The following CDH12 variants were observed in gnomAD, a reference collection of about 807,000 sequenced individuals.
CDH12 encodes the protein cadherin 12, also known as cadherin-12.
CDH12 carries 41 observed loss-of-function variants against 74.1 expected under a neutral mutation model. That is an observed-to-expected ratio of 0.55 (90% CI 0.43 to 0.72). The LOEUF (loss-of-function observed/expected upper bound fraction) is 0.72. Ranked by LOEUF, CDH12 falls within the 30% of genes least tolerant of loss-of-function variation. The pLI is 0.00. For synonymous variants in CDH12, 399 were observed against 355.0 expected, an observed-to-expected ratio of 1.12 and a Z score of -1.39; for missense variants, 945 against 977.2, an observed-to-expected ratio of 0.97 and a Z score of 0.44.
intron 5 of CDH12, among the ~76,000 whole-genome samples, chr5:22,023,223 A>G (rs908469081): frequency 1.3e-5 from 2 of 152,052 alleles, no homozygotes; most frequent in African/African-American, 4.8e-5. Context: ...GGCCCTTTAT[A>G]TACACTTTTC....
chr5:22,095,658 G>C (rs1010486316), intron 4 of CDH12, among the ~76,000 whole-genome samples: 3 of 150,918 alleles, frequency 2.0e-5, no homozygotes, highest in Non-Finnish European at 4.4e-5. Context: ...TAGGGGGCAA[G>C]AACCCCCCAA....
intron 6 of CDH12, among the ~76,000 whole-genome samples, chr5:21,886,677 A>G (rs1752651240): frequency 6.6e-6 from 1 of 150,882 alleles, no homozygotes; most frequent in Non-Finnish European, 1.5e-5. Flanking sequence ...CAAATATTAC[A>G]CATAAGCACT....
chr5:22,428,942 T>C (rs1333444750), intron 2 of CDH12, among the ~76,000 whole-genome samples: 1 of 152,228 alleles, frequency 6.6e-6, no homozygotes, highest in Non-Finnish European at 1.5e-5. Flanking sequence ...GCCAACCTTA[T>C]ACCATTGTTT....
At chr5:22,305,146 A>G (rs1738050395) in intron 3 of CDH12, among the ~76,000 whole-genome samples, 1 of 152,200 alleles carries the variant, frequency 6.6e-6, no homozygotes, top group African/African-American at 2.4e-5. Flanking sequence ...GTTGTTTTTA[A>G]AAGTCCCCAA....
At chr5:22,825,855 C>A (rs1229221840) in intron 1 of CDH12, among the ~76,000 whole-genome samples, 1 of 152,084 alleles carries the variant, frequency 6.6e-6, no homozygotes, top group Non-Finnish European at 1.5e-5. Context: ...GAGAAATTTG[C>A]AAATACCTAG....
At chr5:22,138,856 A>C (rs1210048466) in intron 4 of CDH12, among the ~76,000 whole-genome samples, 1 of 128,948 alleles carries the variant, frequency 7.8e-6, no homozygotes, top group Non-Finnish European at 1.7e-5. Context: ...ATATATATAT[A>C]TATATATATA....
At chr5:21,988,582 G>T (rs1462188302) in intron 5 of CDH12, among the ~76,000 whole-genome samples, 1 of 137,930 alleles carries the variant, frequency 7.3e-6, no homozygotes, top group Non-Finnish European at 1.6e-5. Context: ...CAGGGTATAA[G>T]AAGAAATCTA....
intron 3 of CDH12, among the ~76,000 whole-genome samples, chr5:22,274,999 T>A (rs1346797647): frequency 6.6e-6 from 1 of 152,112 alleles, no homozygotes; most frequent in Non-Finnish European, 1.5e-5. Context: ...ATCTTTTAAC[T>A]TAGTAAATGA....
In CDH12 at chr5:22,744,543, A is replaced by G. The variant is rs185336294; in HGVS notation, c.-523+108515T>C. Among the ~76,000 whole-genome samples, 381 of 152,334 alleles carry G rather than the reference A, an allele frequency of 2.5e-3. 3 individuals carry two copies. Among genetic ancestry groups the G allele is most frequent in the African/African-American group, 8.8e-3 (365 of 41,584 alleles). On this transcript the variant is annotated intron_variant, in intron 1 of 14. Transcript: ENST00000382254. ...ATATTTTACATTATTTATTTTACAA[A>G]TAAGTCATTTTTCCTTATTTACATT... is the stretch of plus-strand genomic sequence containing the variant.
chr5:22,270,902 C>T (rs1736371327), intron 3 of CDH12, among the ~76,000 whole-genome samples: 2 of 152,016 alleles, frequency 1.3e-5, no homozygotes, highest in Non-Finnish European at 1.5e-5. Context: ...TCTTGAACTC[C>T]TGACCTCGTG....
At chr5:22,801,880 T>C (rs931730030) in intron 1 of CDH12, among the ~76,000 whole-genome samples, 1 of 151,300 alleles carries the variant, frequency 6.6e-6, no homozygotes, top group Non-Finnish European at 1.5e-5. Context: ...TTCTAAAAAA[T>C]TGTTATTCAT....
chr5:22,024,839 A>C (rs1361083330), intron 5 of CDH12, among the ~76,000 whole-genome samples: 1 of 152,170 alleles, frequency 6.6e-6, no homozygotes, highest in Non-Finnish European at 1.5e-5. Context: ...TAGTACACAG[A>C]AAATCTAAAT....
At chr5:22,420,405 G>A (rs1207173893) in intron 2 of CDH12, among the ~76,000 whole-genome samples, 1 of 151,992 alleles carries the variant, frequency 6.6e-6, no homozygotes, top group African/African-American at 2.4e-5. Context: ...TATCCAGTTT[G>A]CCCAGCACCA....
intron 1 of CDH12, among the ~76,000 whole-genome samples, chr5:22,539,041 G>T (rs1480953036): frequency 1.3e-5 from 2 of 152,176 alleles, no homozygotes; most frequent in Non-Finnish European, 1.5e-5. Context: ...GATTACAGGT[G>T]CAAGCCACTG....
intron 1 of CDH12, among the ~76,000 whole-genome samples, chr5:22,748,448 A>G (rs2127029868): frequency 6.6e-6 from 1 of 152,224 alleles, no homozygotes; most frequent in Non-Finnish European, 1.5e-5. Context: ...GAAAAAAAAA[A>G]GATAAAGATA....
chr5:22,702,035 G>A (rs1742739040), intron 1 of CDH12, among the ~76,000 whole-genome samples: 1 of 152,088 alleles, frequency 6.6e-6, no homozygotes, highest in African/African-American at 2.4e-5. Context: ...CCAGCTACTT[G>A]ACAACTATAA....
chr5:22,465,830 A>G (rs897844905), intron 2 of CDH12, among the ~76,000 whole-genome samples: 7 of 152,160 alleles, frequency 4.6e-5, no homozygotes, highest in African/African-American at 1.7e-4. Flanking sequence ...CATCACTGTC[A>G]CCATAAGTCA....
At chr5:21,960,834 A>G (rs886235003) in intron 6 of CDH12, among the ~76,000 whole-genome samples, 30 of 151,978 alleles carry the variant, frequency 2.0e-4, no homozygotes, top group African/African-American at 6.5e-4. Flanking sequence ...TAAGCATTCA[A>G]TTTAGTAAGT....
At chr5:22,245,396 G>A (rs1752910517) in intron 3 of CDH12, among the ~76,000 whole-genome samples, 1 of 152,080 alleles carries the variant, frequency 6.6e-6, no homozygotes, top group African/African-American at 2.4e-5. Context: ...GGAACAACAG[G>A]AGGAGGAACA....
Sources: gnomAD v4.1 joint callset for allele counts (sites outside exome capture counted in the v4.1 genomes callset) on GRCh38, gnomAD v4.1.1 for gene constraint, MANE v1.5 for transcripts, NCBI Gene and HGNC (gene_info 2026-07-23, HGNC 2026-07-21) for gene names.